The following SEC11C variants were observed in gnomAD, a reference collection of about 807,000 sequenced individuals.
SEC11C encodes signal peptidase complex catalytic subunit SEC11C.
In SEC11C, 10 loss-of-function variants were observed where a neutral mutation model predicts 21.9. The observed-to-expected ratio is 0.46, with a 90% CI of 0.28 to 0.77. The LOEUF (loss-of-function observed/expected upper bound fraction) is 0.77, where lower values mean the gene tolerates loss of function less well. SEC11C is among the 30% of genes least tolerant of loss of function. The pLI is 0.12. For synonymous variants in SEC11C, 83 were observed against 85.6 expected (o/e 0.97, Z 0.17); for missense variants, 145 against 244.5 (o/e 0.59, Z 2.71).
At chr18:59,153,473 T>C (rs1180309807) in intron 3 of SEC11C, 1 of 145,422 alleles carries the variant, frequency 6.9e-6, no homozygotes, top group Non-Finnish European at 1.5e-5. Flanking sequence ...TTTCTCACTG[T>C]GTATGTGTGT....
intron 2 of SEC11C, among the ~76,000 whole-genome samples, chr18:59,150,451 CAT>C (rs1436360770): frequency 6.6e-6 from 1 of 152,268 alleles, no homozygotes; most frequent in Non-Finnish European, 1.5e-5. Context: ...AGGCCGCCCT[CAT>C]GTGGTTGGCC....
At chr18:59,143,227 C>G (rs1044233968) in intron 1 of SEC11C, among the ~76,000 whole-genome samples, 1 of 151,832 alleles carries the variant, frequency 6.6e-6, no homozygotes, top group African/African-American at 2.4e-5. Flanking sequence ...GTGGTGCACA[C>G]CTGTTATCCC....
intron 4 of SEC11C, chr18:59,156,830 T>C (rs2069423348): frequency 6.6e-6 from 1 of 152,276 alleles, no homozygotes; most frequent in South Asian, 2.1e-4. Flanking sequence ...CATTTTTCTT[T>C]GTTGCATTTT....
At chr18:59,145,344 G>C (rs532130326) in intron 1 of SEC11C, among the ~76,000 whole-genome samples, 144 of 152,304 alleles carry the variant, frequency 9.5e-4, no homozygotes, top group Admixed American at 1.7e-3. Flanking sequence ...AATATTTACT[G>C]TCTAGCCCTT....
chr18:59,152,481 T>G, intron 2 of SEC11C, 55 bp from the exon 3 acceptor site: 1 of 1,529,482 alleles, frequency 6.5e-7, no homozygotes, highest in Non-Finnish European at 8.7e-7. Context: ...ATGTCTATTC[T>G]GATCGCCTTT....
intron 5 of SEC11C, 131 bp from the exon 6 acceptor site, chr18:59,158,501 G>T: frequency 1.4e-6 from 1 of 723,140 alleles, no homozygotes. Flanking sequence ...TAGAGAACAA[G>T]CCATGGGGGG....
chr18:59,140,292 A>G (rs556159002), intron 1 of SEC11C, among the ~76,000 whole-genome samples: 1 of 152,366 alleles, frequency 6.6e-6, no homozygotes, highest in African/African-American at 2.4e-5. Context: ...GGAATGTCAA[A>G]TGTGGTTGAG....
intron 5 of SEC11C, among the ~76,000 whole-genome samples, chr18:59,158,125 G>A (rs2069439358): frequency 2.0e-5 from 3 of 151,922 alleles, no homozygotes; most frequent in South Asian, 2.1e-4. Context: ...GCACAATTTC[G>A]GCTCACCACA....
chr18:59,153,614 G>A (rs1170562202), intron 3 of SEC11C, among the ~76,000 whole-genome samples: 2 of 151,996 alleles, frequency 1.3e-5, no homozygotes, highest in African/African-American at 2.4e-5. Flanking sequence ...GCCATGGTGC[G>A]ATCTCTGCTC....
chr18:59,150,982 C>A (rs2144036873), intron 2 of SEC11C, among the ~76,000 whole-genome samples: 1 of 152,024 alleles, frequency 6.6e-6, no homozygotes, highest in South Asian at 2.1e-4. Context: ...TTTAAAGCAT[C>A]CTTTGTAATG....
rs1182984066 is a variant in SEC11C, at chr18:59,158,694, G to A, written c.*9G>A. The A allele has an allele frequency of 6.8e-6, 11 of 1,608,276 alleles. No homozygotes were observed. The highest frequency in any genetic ancestry group is 9.4e-6 in the Non-Finnish European group (11 of 1,174,886). ...TAAAACGTGAATCCTAAAATGAGAAGCAGTTCCTGGGACCAGATTGAAATG... is the reference window on the plus strand; with the variant it reads ...TAAAACGTGAATCCTAAAATGAGAAACAGTTCCTGGGACCAGATTGAAATG... On this transcript the variant is annotated 3_prime_UTR_variant, in exon 6 of 6. Transcript: ENST00000587834.
chr18:59,152,486 G>T (rs374995567), intron 2 of SEC11C, 50 bp from the exon 3 acceptor site: 1 of 1,529,534 alleles, frequency 6.5e-7, no homozygotes, highest in Admixed American at 2.3e-5. Context: ...TATTCTGATC[G>T]CCTTTTGGAC....
intron 1 of SEC11C, among the ~76,000 whole-genome samples, chr18:59,148,704 C>T (rs2069309897): frequency 6.6e-6 from 1 of 152,014 alleles, no homozygotes; most frequent in African/African-American, 2.4e-5. Context: ...AGCTCTGCCT[C>T]CCGGGTTCAC....
chr18:59,154,476 A>G (rs747601482), intron 3 of SEC11C, among the ~76,000 whole-genome samples: 1 of 152,176 alleles, frequency 6.6e-6, no homozygotes, highest in Non-Finnish European at 1.5e-5. Context: ...TTATGTTTCT[A>G]GAGTCAAGGC....
intron 1 of SEC11C, among the ~76,000 whole-genome samples, chr18:59,145,279 G>T (rs1218224507): frequency 6.6e-6 from 1 of 152,218 alleles, no homozygotes; most frequent in Admixed American, 6.5e-5. Context: ...CTGCTTTCCC[G>T]CTACATTGGC....
At chr18:59,155,216 A>C (rs1356993424) in intron 3 of SEC11C, among the ~76,000 whole-genome samples, 2 of 152,242 alleles carry the variant, frequency 1.3e-5, no homozygotes, top group Non-Finnish European at 2.9e-5. Context: ...GAGTCTGGAA[A>C]AGCTCCTTGT....
At chr18:59,149,491 G>A in intron 1 of SEC11C, 22 bp from the exon 2 acceptor site, 1 of 1,499,774 alleles carries the variant, frequency 6.7e-7, no homozygotes, top group Non-Finnish European at 9.3e-7. Flanking sequence ...TTTTCATCGT[G>A]GTTTCCTCTT....
At position 59,149,499 on chromosome 18, in the gene SEC11C, C is replaced by T. The variant is rs759825401; in HGVS notation, c.88-14C>T. On this transcript the variant is annotated splice_polypyrimidine_tract_variant and intron_variant, in intron 1 of 5. Transcript: ENST00000587834. ...CTATTGGTTTTCATCGTGGTTTCCT[C>T]TTTTTCATTCCAGCTCTATTACCAG... 1 of 1,567,024 alleles carries T rather than the reference C, an allele frequency of 6.4e-7. No individual in the cohort carries two copies. Among genetic ancestry groups the T allele is most frequent in the Non-Finnish European group, 8.8e-7 (1 of 1,139,284 alleles).
chr18:59,155,004 G>T (rs1011060129), intron 3 of SEC11C, among the ~76,000 whole-genome samples: 5 of 152,210 alleles, frequency 3.3e-5, no homozygotes, highest in African/African-American at 1.2e-4. Flanking sequence ...GGCAGAGGTT[G>T]CAGTGAGCTG....
Sources: gnomAD v4.1 joint callset for allele counts (sites outside exome capture counted in the v4.1 genomes callset) on GRCh38, gnomAD v4.1.1 for gene constraint, MANE v1.5 for transcripts, NCBI Gene and HGNC (gene_info 2026-07-23, HGNC 2026-07-21) for gene names.